Variants in ASXL3 observed in about 807,000 individuals in gnomAD.
ASXL3 encodes putative Polycomb group protein ASXL3.
In ASXL3, 34 loss-of-function variants were observed where a neutral mutation model predicts 170.6. The observed-to-expected ratio is 0.20, with a 90% CI of 0.15 to 0.27. The LOEUF (loss-of-function observed/expected upper bound fraction) is 0.27, where lower values mean the gene tolerates loss of function less well. Among genes scored for constraint, ASXL3 ranks in the 10% least tolerant of loss-of-function variants. The pLI is 1.00. For synonymous variants in ASXL3, 1,002 were observed against 989.1 expected (o/e 1.01, Z -0.24); for missense variants, 2,592 against 2,695.3 (o/e 0.96, Z 0.85).
At chr18:33,686,351 T>C (rs181861746) in intron 8 of ASXL3, among the ~76,000 whole-genome samples, 38 of 152,324 alleles carry the variant, frequency 2.5e-4, no homozygotes, top group Admixed American at 7.2e-4. Flanking sequence ...ACAAGTTTAA[T>C]AAATGGATAA....
intron 5 of ASXL3, among the ~76,000 whole-genome samples, chr18:33,664,471 C>T (rs368611281): frequency 1.5e-4 from 23 of 152,274 alleles, no homozygotes; most frequent in Admixed American, 4.6e-4. Context: ...ATAACACACA[C>T]TCAAATATAT....
rs762217973 is a variant in ASXL3, at chr18:33,738,618, C to T, written c.1214C>T (p.Pro405Leu). The change falls in exon 11 of 12, where the codon CCA becomes CTA. Residue 405 changes from proline (P) to leucine (L), a missense_variant. This residue lies in a region of ASXL3 where 2,246 missense variants were observed against 2,219.6 expected (regional missense o/e 1.01). Transcript: ENST00000269197. ...CAGACAGCCTTGGCAGAACAACAGCCAAAAAGCATGAAAAGCCCAGCTTCT... is the reference window on the plus strand; with the variant it reads ...CAGACAGCCTTGGCAGAACAACAGCTAAAAAGCATGAAAAGCCCAGCTTCT... ...SAQTALAEQQ[P>L]KSMKSPASPE... 6.1e-5 allele frequency: 98 copies of T among 1,613,752 alleles called. No individual in the cohort carries two copies. Among genetic ancestry groups the T allele is most frequent in the Non-Finnish European group, 7.5e-5 (89 of 1,179,862 alleles).
chr18:33,744,590 A>T lies in ASXL3; in HGVS notation c.4742A>T (p.Glu1581Val), dbSNP rs1175570450. The T allele has an allele frequency of 1.9e-6, 3 of 1,610,438 alleles. No individual in the cohort carries two copies. The highest frequency in any genetic ancestry group is 1.3e-5 in the African/African-American group (1 of 74,904). ...EPTAPSHNFA[E>V]QARGPAPFKS... is the part of the protein sequence containing the mutation. Reference sequence around the variant, plus strand: ...ACTGCTCCCAGTCATAACTTTGCTGAGCAGGCACGTGGCCCAGCTCCTTTC... The same window carrying T: ...ACTGCTCCCAGTCATAACTTTGCTGTGCAGGCACGTGGCCCAGCTCCTTTC... The change falls in exon 12 of 12, where the codon GAG becomes GTG. Residue 1581 changes from glutamate to valine, a missense_variant. Physicochemically the swap from Glu to Val is moderately radical, Grantham distance 121. Around this residue, in one of 4 missense-constraint regions of ASXL3, gnomAD observed 2,246 missense variants for 2,219.6 expected, o/e 1.01. Transcript: ENST00000269197.
intron 5 of ASXL3, among the ~76,000 whole-genome samples, chr18:33,663,258 C>T (rs573438708): frequency 5.0e-4 from 76 of 152,098 alleles, no homozygotes; most frequent in Non-Finnish European, 8.2e-4. Flanking sequence ...AAAATGGACA[C>T]TTGTGGCTGT....
intron 2 of ASXL3, among the ~76,000 whole-genome samples, chr18:33,640,237 C>T (rs1235110302): frequency 6.6e-6 from 1 of 151,928 alleles, no homozygotes; most frequent in Non-Finnish European, 1.5e-5. Context: ...ATTCAGCTAA[C>T]TTATATAACT....
intron 4 of ASXL3, among the ~76,000 whole-genome samples, chr18:33,654,488 G>T (rs59848071): frequency 0.082 from 12,536 of 152,132 alleles, 592 homozygotes; most frequent in African/African-American, 0.11. Flanking sequence ...CTTTATCGGA[G>T]TTTATAGTTT....
chr18:33,681,032 A>G (rs1354540546), intron 7 of ASXL3, among the ~76,000 whole-genome samples: 1 of 151,828 alleles, frequency 6.6e-6, no homozygotes, highest in Non-Finnish European at 1.5e-5. Context: ...TGGAAATTAT[A>G]ATTCTTTTTT....
intron 1 of ASXL3, among the ~76,000 whole-genome samples, chr18:33,590,465 G>GA (rs2065068875): frequency 6.6e-6 from 1 of 152,100 alleles, no homozygotes; most frequent in Admixed American, 6.6e-5. Flanking sequence ...AAGGCAGATG[G>GA]AAAGTATGCT....
At chr18:33,695,290 G>A (rs924730749) in intron 8 of ASXL3, among the ~76,000 whole-genome samples, 2 of 151,912 alleles carry the variant, frequency 1.3e-5, no homozygotes, top group Admixed American at 6.6e-5. Context: ...TGGCTTTTTC[G>A]CTGAGTCTGA....
At chr18:33,665,306 A>C (rs2066239810) in intron 5 of ASXL3, among the ~76,000 whole-genome samples, 1 of 152,152 alleles carries the variant, frequency 6.6e-6, no homozygotes, top group South Asian at 2.1e-4. Flanking sequence ...TGATATTGCA[A>C]AGCAGATCTA....
chr18:33,745,277 A>G lies in ASXL3; in HGVS notation c.5429A>G (p.Tyr1810Cys), dbSNP rs1165272775. Residue 1810 changes from tyrosine (Y) to cysteine (C), a missense_variant, in exon 12 of 12, where the codon TAC (tyrosine) becomes TGC (cysteine). Tyr to Cys is a radical substitution (Grantham distance 194). Transcript: ENST00000269197. ...PSSPNPDGKG[Y>C]LAGTLAPLQM... Reference sequence around the variant, plus strand: ...TCTCCAAATCCAGATGGTAAGGGCTACTTGGCAGGGACTCTGGCACCACTC... The same window carrying G: ...TCTCCAAATCCAGATGGTAAGGGCTGCTTGGCAGGGACTCTGGCACCACTC... The G allele has an allele frequency of 1.9e-6, 3 of 1,613,996 alleles. No individual in the cohort carries two copies. The highest frequency in any genetic ancestry group is 1.7e-5 in the Admixed American group (1 of 60,024).
intron 7 of ASXL3, among the ~76,000 whole-genome samples, chr18:33,677,431 A>G (rs565325507): frequency 9.2e-5 from 14 of 152,288 alleles, no homozygotes; most frequent in African/African-American, 3.1e-4. Context: ...TAGATTAAAT[A>G]AAAAAGTAAA....
chr18:33,583,317 C>T (rs534452211), intron 1 of ASXL3, among the ~76,000 whole-genome samples: 1 of 152,256 alleles, frequency 6.6e-6, no homozygotes, highest in Admixed American at 6.5e-5. Context: ...AAGAGCATAA[C>T]TGACAATGTA....
chr18:33,737,506 C>CAGT (rs1374679829), intron 10 of ASXL3, among the ~76,000 whole-genome samples: 1 of 152,116 alleles, frequency 6.6e-6, no homozygotes, highest in Non-Finnish European at 1.5e-5. Flanking sequence ...CAGTGATTTA[C>CAGT]AGTACCCTTG....
intron 2 of ASXL3, among the ~76,000 whole-genome samples, chr18:33,618,304 A>G (rs1345820915): frequency 6.6e-6 from 1 of 152,122 alleles, no homozygotes. Context: ...TTTATTAAAA[A>G]GTTAAGGCCT....
chr18:33,599,489 G>A (rs9948389), intron 1 of ASXL3, among the ~76,000 whole-genome samples: 76 of 152,238 alleles, frequency 5.0e-4, no homozygotes, highest in African/African-American at 1.8e-3. Context: ...GCTCTGTCAT[G>A]AATAACTTGG....
intron 2 of ASXL3, among the ~76,000 whole-genome samples, chr18:33,624,148 G>A (rs1480683611): frequency 6.6e-6 from 1 of 151,982 alleles, no homozygotes; most frequent in Non-Finnish European, 1.5e-5. Context: ...ACAGAGTGAG[G>A]CCTTGTCTCA....
intron 1 of ASXL3, among the ~76,000 whole-genome samples, chr18:33,593,068 A>G (rs1380391798): frequency 6.6e-6 from 1 of 152,094 alleles, no homozygotes; most frequent in African/African-American, 2.4e-5. Context: ...GAATTCCAAG[A>G]TTGTTGAAAA....
rs1050791173 is a variant in ASXL3 at position 33,694,605 on chromosome 18, C to CT, written c.879+11047dup. On this transcript the variant is annotated intron_variant, in intron 8 of 11. Coordinates refer to ENST00000269197, the MANE Select transcript of ASXL3 (RefSeq NM_030632.3). ...ACTGCTTCTAAATAAGTTGTGCCTG[C>CT]TTTTTTTTTTGTCCAAATGGTAATT... 7.5e-3 allele frequency among the ~76,000 whole-genome samples: 1,100 copies of CT among 146,960 alleles called. 11 individuals carry two copies. Among genetic ancestry groups the CT allele is most frequent in the African/African-American group, 0.022 (875 of 40,228 alleles).
Sources: allele counts gnomAD v4.1 joint callset (sites outside exome capture counted in the v4.1 genomes callset), GRCh38; gene constraint gnomAD v4.1.1; regional missense constraint gnomAD v4.1.1; transcripts MANE v1.5; gene names NCBI Gene and HGNC (gene_info 2026-07-23, HGNC 2026-07-21).